The following KRT83 variants were observed in gnomAD, a reference collection of about 807,000 sequenced individuals.
KRT83 encodes the protein keratin, type II cuticular Hb3.
A neutral mutation model predicts 52.9 loss-of-function variants in KRT83; 51 were observed. That is an observed-to-expected ratio of 0.96 (90% CI 0.77 to 1.22). The LOEUF is 1.22. Ranked by LOEUF, KRT83 falls within the 50% of genes most tolerant of loss-of-function variation. The probability of loss-of-function intolerance (pLI) is 0.00; values close to 1 mark genes in which losing one functional copy is unlikely to be tolerated. For missense variants in KRT83, 654 were observed against 666.5 expected (o/e 0.98, Z 0.21); for synonymous variants, 278 against 274.1 (o/e 1.01, Z -0.14).
intron 6 of KRT83, 29 bp downstream of exon 6, chr12:52,316,439 A>G (rs1219948637): frequency 2.5e-6 from 4 of 1,613,794 alleles, no homozygotes; most frequent in Non-Finnish European, 3.4e-6. Flanking sequence ...GTCTCTTCCT[A>G]CACTGAGGGG....
chr12:52,320,890 C>T (rs1938756710), intron 1 of KRT83, 62 bp downstream of exon 1: 2 of 1,613,422 alleles, frequency 1.2e-6, no homozygotes, highest in Non-Finnish European at 1.7e-6. Flanking sequence ...CTGTCAGTGC[C>T]CAGCCTGAGT....
rs542978203 is a variant in KRT83, at chr12:52,321,189, G to T, written c.147C>A (p.Gly49=). Residue 49 remains glycine, a synonymous_variant, in exon 1 of 9, where the codon GGC becomes GGA. Coordinates refer to ENST00000293670, the MANE Select transcript of KRT83 (RefSeq NM_002282.3). ...GISCYRGLTG[G]FGSHSVCGGF... ...CCCCGCACACGCTGTGGCTGCCAAA[G>T]CCCCCGGTGAGGCCGCGGTAGCAGG... 440 of 1,612,902 alleles carry T rather than the reference G, an allele frequency of 2.7e-4. 2 individuals are homozygous for T. The South Asian group carries it at 4.5e-3, about 17-fold the overall frequency.
intron 2 of KRT83, among the ~76,000 whole-genome samples, chr12:52,318,280 A>G (rs967933455): frequency 1.3e-5 from 2 of 151,522 alleles, no homozygotes; most frequent in Non-Finnish European, 2.9e-5. Context: ...GGTTCATGCC[A>G]TTCTCCCCTC....
intron 4 of KRT83, 135 bp from the exon 5 acceptor site, chr12:52,317,158 C>G: frequency 8.5e-7 from 1 of 1,170,638 alleles, no homozygotes; most frequent in Non-Finnish European, 1.2e-6. Flanking sequence ...AATCACATAA[C>G]TTTCTGCACA....
Position 52,314,362 on chromosome 12 carries a change from C to G in KRT83, c.*269G>C, listed in dbSNP as rs1938652252. 1 of 555,126 alleles carries G rather than the reference C, an allele frequency of 1.8e-6. No individual in the cohort carries two copies. The highest frequency in any genetic ancestry group is 3.0e-5 in the Admixed American group (1 of 33,002). The allele number at this position is 555,126 out of a possible 1,614,324, so 34.4% of individuals were successfully genotyped here. A position where few individuals can be genotyped will look rare whatever the true frequency, so the allele number is the denominator to read the frequency against. On this transcript the variant is annotated 3_prime_UTR_variant, in exon 9 of 9. Coordinates refer to ENST00000293670, the MANE Select transcript of KRT83 (RefSeq NM_002282.3). The stretch of plus-strand genomic sequence containing the variant: ...AGGCCAGAGAGGCAGGGGGAACAGT[C>G]TCACAGTGCTTCTTCCAGGGAAGCA...
In KRT83 at chr12:52,317,768, G is replaced by A; in HGVS notation, c.663C>T (p.Asp221=). 1 of 1,613,932 alleles carries A rather than the reference G, an allele frequency of 6.2e-7. No individual in the cohort carries two copies. The highest frequency in any genetic ancestry group is 1.1e-5 in the South Asian group (1 of 91,062). The change falls in exon 4 of 9, where the codon GAC becomes GAT. Residue 221 remains aspartate, a synonymous_variant. Coordinates refer to ENST00000293670, the MANE Select transcript of KRT83 (RefSeq NM_002282.3). ...GGTCTGACTTGCGGAGGTAGGCGCA[G>A]TCCACATCCTGGGTGGGGTAGAAGG... is the stretch of plus-strand genomic sequence containing the variant. ...NEFVALKKDV[D]CAYLRKSDLE...
intron 1 of KRT83, 51 bp from the exon 2 acceptor site, chr12:52,319,415 CAAA>C: frequency 6.2e-7 from 1 of 1,611,474 alleles, no homozygotes; most frequent in East Asian, 2.2e-5. Flanking sequence ...CATCAGAGGA[CAAA>C]GAGGGGTTCC....
Position 52,321,378 on chromosome 12 carries a change from A to C in KRT83, c.-43T>G. 6.2e-7 allele frequency: 1 copy of C among 1,613,238 alleles called. No homozygotes were observed. The highest frequency in any genetic ancestry group is 1.1e-5 in the South Asian group (1 of 91,084). ...GTCTGAACAGTGGAGTAGATGGCAG[A>C]GGATGGAACCAAGGGCCTGTGCTCC... On this transcript the variant is annotated 5_prime_UTR_variant, in exon 1 of 9. Coordinates refer to ENST00000293670, the MANE Select transcript of KRT83 (RefSeq NM_002282.3).
At chr12:52,316,210 ATAT>A in intron 6 of KRT83, 97 bp from the exon 7 acceptor site, 1 of 1,503,064 alleles carries the variant, frequency 6.7e-7, no homozygotes, top group Non-Finnish European at 9.0e-7. Flanking sequence ...CTATCTTAAA[ATAT>A]TATCTCTCCA....
chr12:52,317,125 G>T, intron 4 of KRT83, 102 bp from the exon 5 acceptor site: 2 of 1,479,734 alleles, frequency 1.4e-6, no homozygotes, highest in Non-Finnish European at 9.4e-7. Context: ...AACTTCTCAT[G>T]TTTAGAGAAA....
chr12:52,317,979 A>G lies in KRT83; in HGVS notation c.594-9T>C, dbSNP rs776082739. ...CTACTTCTTCTTCATACCTGAGGTG[A>G]GCAGGGAGAACAGGACCTTGTCTGA... On this transcript the variant is annotated splice_polypyrimidine_tract_variant and intron_variant, in intron 2 of 8. Coordinates refer to ENST00000293670, the MANE Select transcript of KRT83 (RefSeq NM_002282.3). The G allele has an allele frequency of 1.2e-6, 2 of 1,613,466 alleles. No homozygotes were observed. The highest frequency in any genetic ancestry group is 3.3e-5 in the Admixed American group (2 of 60,028).
intron 2 of KRT83, among the ~76,000 whole-genome samples, chr12:52,318,476 C>A (rs1409572560): frequency 6.6e-6 from 1 of 152,026 alleles, no homozygotes; most frequent in African/African-American, 2.4e-5. Context: ...GAGCCCTCCC[C>A]TGCCCCCACT....
chr12:52,318,775 C>T (rs1044788857), intron 2 of KRT83, among the ~76,000 whole-genome samples: 3 of 152,186 alleles, frequency 2.0e-5, no homozygotes, highest in South Asian at 2.1e-4. Flanking sequence ...GTGTGGCTTG[C>T]GTGGCCCTGT....
chr12:52,321,081 G>C lies in KRT83; in HGVS notation c.255C>G (p.Thr85=), dbSNP rs752994861. ...VCGPSPPCIT[T]VSVNESLLTP... Reference sequence around the variant, plus strand: ...TGAGGAGGCTCTCGTTGACCGACACGGTGGTGATGCATGGGGGGCTGGGTC... The same window carrying C: ...TGAGGAGGCTCTCGTTGACCGACACCGTGGTGATGCATGGGGGGCTGGGTC... The change falls in exon 1 of 9, where the codon ACC becomes ACG. Residue 85 remains threonine, a synonymous_variant. Coordinates refer to ENST00000293670, the MANE Select transcript of KRT83 (RefSeq NM_002282.3). 3.7e-6 allele frequency: 6 copies of C among 1,612,354 alleles called. No homozygotes were observed. Among genetic ancestry groups the C allele is most frequent in the Non-Finnish European group, 5.1e-6 (6 of 1,179,888 alleles).
At chr12:52,315,591 A>T (rs1296118526) in intron 7 of KRT83, among the ~76,000 whole-genome samples, 2 of 152,224 alleles carry the variant, frequency 1.3e-5, no homozygotes, top group African/African-American at 2.4e-5. Context: ...TTGTGCAGTG[A>T]ACAACCTGAA....
chr12:52,319,433 A>G, intron 1 of KRT83, 69 bp from the exon 2 acceptor site: 1 of 1,602,820 alleles, frequency 6.2e-7, no homozygotes, highest in Non-Finnish European at 8.5e-7. Context: ...GGTTCCCAGC[A>G]CGAGGGCCTG....
At chr12:52,316,621 C>T in intron 5 of KRT83, 28 bp from the exon 6 acceptor site, 5 of 1,614,162 alleles carry the variant, frequency 3.1e-6, no homozygotes, top group Non-Finnish European at 4.2e-6. Context: ...GTTCATGAGG[C>T]TCAGGATGAG....
At chr12:52,318,697 AG>A (rs1343950688) in intron 2 of KRT83, among the ~76,000 whole-genome samples, 1 of 152,202 alleles carries the variant, frequency 6.6e-6, no homozygotes, top group Non-Finnish European at 1.5e-5. Context: ...TTGTAGCTGA[AG>A]GGCTAGATCT....
At chr12:52,315,862 A>C in intron 7 of KRT83, 31 bp downstream of exon 7, 1 of 1,612,114 alleles carries the variant, frequency 6.2e-7, no homozygotes, top group South Asian at 1.1e-5. Context: ...GGTCTATGCA[A>C]GTGGAGTGCT....
Sources: gnomAD v4.1 joint callset for allele counts (sites outside exome capture counted in the v4.1 genomes callset) on GRCh38, gnomAD v4.1.1 for gene constraint, MANE v1.5 for transcripts, NCBI Gene and HGNC (gene_info 2026-07-23, HGNC 2026-07-21) for gene names.